The following ASIC2 variants were observed in gnomAD, a reference collection of about 807,000 sequenced individuals.
ASIC2 encodes acid-sensing ion channel 2.
Under a neutral mutation model 57.3 loss-of-function variants are expected in ASIC2, and 25 were observed. The ratio of observed to expected loss-of-function variants is 0.44; its 90% CI spans 0.32 to 0.61. ASIC2 has a LOEUF of 0.61. ASIC2 is among the 20% of genes least tolerant of loss of function. The probability of loss-of-function intolerance (pLI) is 0.06; values close to 1 mark genes in which losing one functional copy is unlikely to be tolerated. For synonymous variants in ASIC2, 319 were observed against 307.5 expected, an observed-to-expected ratio of 1.04 and a Z score of -0.39; for missense variants, 641 against 738.1, an observed-to-expected ratio of 0.87 and a Z score of 1.52.
Position 33,641,341 on chromosome 17 carries a change from G to A in ASIC2, c.555+514637C>T, listed in dbSNP as rs553384646. ...ACCTTCACTTCTTTACTGAACATCC[G>A]CACACAGCACACGCTCAGCATATAC... On this transcript the variant is annotated intron_variant, in intron 1 of 9. Transcript: ENST00000359872. Among the ~76,000 whole-genome samples the A allele has an allele frequency of 1.6e-3, 239 of 152,246 alleles. 1 individual carries two copies. Among genetic ancestry groups the A allele is most frequent in the African/African-American group, 3.8e-3 (158 of 41,536 alleles).
chr17:33,358,404 G>T (rs1289757578), intron 1 of ASIC2, among the ~76,000 whole-genome samples: 1 of 152,158 alleles, frequency 6.6e-6, no homozygotes, highest in African/African-American at 2.4e-5. Flanking sequence ...GTAATGTGTA[G>T]CAATGACATC....
At chr17:33,341,977 A>G (rs1020727501) in intron 1 of ASIC2, among the ~76,000 whole-genome samples, 9 of 152,212 alleles carry the variant, frequency 5.9e-5, no homozygotes, top group Admixed American at 6.5e-5. Flanking sequence ...ATAAATAGCA[A>G]GAAAATGCAA....
chr17:33,680,196 G>C (rs1194340210), intron 1 of ASIC2, among the ~76,000 whole-genome samples: 1 of 152,120 alleles, frequency 6.6e-6, no homozygotes, highest in Non-Finnish European at 1.5e-5. Flanking sequence ...TCTTTCTGGA[G>C]CAATTGGAAG....
At chr17:33,661,544 T>C (rs963345318) in intron 1 of ASIC2, among the ~76,000 whole-genome samples, 2 of 152,194 alleles carry the variant, frequency 1.3e-5, no homozygotes, top group East Asian at 3.9e-4. Flanking sequence ...TGGACCTCGG[T>C]TTCCCTATCT....
intron 3 of ASIC2, among the ~76,000 whole-genome samples, chr17:33,035,354 C>T (rs1327267966): frequency 6.6e-6 from 1 of 152,014 alleles, no homozygotes; most frequent in Non-Finnish European, 1.5e-5. Flanking sequence ...CTTCATGTGT[C>T]TAGGAGTTTT....
chr17:33,545,734 C>T (rs6505350), intron 1 of ASIC2, among the ~76,000 whole-genome samples: 14,167 of 152,150 alleles, frequency 0.093, 1,730 homozygotes, highest in African/African-American at 0.28. Flanking sequence ...CCAGAGTAAT[C>T]TTGCTCCTAT....
chr17:33,871,690 A>C (rs1914414128), intron 1 of ASIC2, among the ~76,000 whole-genome samples: 1 of 152,108 alleles, frequency 6.6e-6, no homozygotes, highest in South Asian at 2.1e-4. Context: ...GAGTCCTCAG[A>C]AGGGGACTTT....
intron 1 of ASIC2, among the ~76,000 whole-genome samples, chr17:33,124,368 C>T (rs4078690): frequency 0.85 from 128,866 of 152,264 alleles, 55,023 homozygotes; most frequent in African/African-American, 0.92. Flanking sequence ...CTGGGAGATA[C>T]ACAGCATGCA....
At chr17:33,606,126 G>A (rs1444940405) in intron 1 of ASIC2, among the ~76,000 whole-genome samples, 1 of 152,198 alleles carries the variant, frequency 6.6e-6, no homozygotes, top group Non-Finnish European at 1.5e-5. Context: ...TACCACCAAT[G>A]AGCTGTTCCA....
At position 33,714,744 on chromosome 17, in the gene ASIC2, A is replaced by G. The variant is rs559692884; in HGVS notation, c.555+441234T>C. ...CTTACTCATATCTTTTTAGAAACCT[A>G]AAACAAAACAACCAAATGTTGTTGT... On this transcript the variant is annotated intron_variant, in intron 1 of 9. Transcript: ENST00000359872. 2.3e-3 allele frequency among the ~76,000 whole-genome samples: 342 copies of G among 151,902 alleles called. 2 individuals carry two copies. Among genetic ancestry groups the G allele is most frequent in the African/African-American group, 7.9e-3 (326 of 41,452 alleles).
At chr17:34,154,877 T>C (rs1173098822) in intron 1 of ASIC2, among the ~76,000 whole-genome samples, 1 of 152,140 alleles carries the variant, frequency 6.6e-6, no homozygotes, top group African/African-American at 2.4e-5. Flanking sequence ...CAGCCCCTGA[T>C]ACCCAGACGT....
At chr17:33,552,392 G>A (rs1915778526) in intron 1 of ASIC2, among the ~76,000 whole-genome samples, 2 of 152,188 alleles carry the variant, frequency 1.3e-5, no homozygotes, top group Non-Finnish European at 2.9e-5. Context: ...TCTTCCCTCA[G>A]TAACACAAAA....
chr17:33,427,528 A>G (rs1911259277), intron 1 of ASIC2, among the ~76,000 whole-genome samples: 1 of 152,214 alleles, frequency 6.6e-6, no homozygotes, highest in African/African-American at 2.4e-5. Flanking sequence ...CACGTTTGAG[A>G]GGGACCCAAA....
In ASIC2 at chr17:33,062,784, T is replaced by C. The variant is rs182982926; in HGVS notation, c.987+26079A>G. 3.7e-3 allele frequency among the ~76,000 whole-genome samples: 564 copies of C among 152,280 alleles called. 3 individuals are homozygous for C. The highest frequency in any genetic ancestry group is 4.6e-3 in the Non-Finnish European group (312 of 68,020). On this transcript the variant is annotated intron_variant, in intron 3 of 9. Coordinates refer to ENST00000225823, the MANE Select transcript of ASIC2 (RefSeq NM_183377.2). The stretch of plus-strand genomic sequence containing the variant: ...GGGTGTTAAAGTCTCCCATTATTAT[T>C]GTATGGGAGTCTAAGTCTCTTTGTA...
chr17:33,622,329 A>T (rs2142021778), intron 1 of ASIC2, among the ~76,000 whole-genome samples: 1 of 152,154 alleles, frequency 6.6e-6, no homozygotes, highest in East Asian at 1.9e-4. Flanking sequence ...TTCTGTCGGG[A>T]CTAGGCTTTA....
chr17:34,096,642 CAGG>C (rs932675779), intron 1 of ASIC2, among the ~76,000 whole-genome samples: 6 of 151,868 alleles, frequency 4.0e-5, no homozygotes, highest in African/African-American at 1.5e-4. Context: ...ATCACGAGGT[CAGG>C]AGATCATGAC....
chr17:33,913,122 G>T (rs1276870844), intron 1 of ASIC2, among the ~76,000 whole-genome samples: 1 of 151,260 alleles, frequency 6.6e-6, no homozygotes, highest in Non-Finnish European at 1.5e-5. Context: ...AGTTCTCACA[G>T]ATCTCTGAGC....
rs1177045749 is a variant in ASIC2 at position 33,662,573 on chromosome 17, AG to A, written c.555+493404del. 7.2e-5 allele frequency among the ~76,000 whole-genome samples: 11 copies of A among 151,906 alleles called. No homozygotes were observed. In the South Asian group the frequency reaches 2.1e-3, roughly 29 times the overall value. On this transcript the variant is annotated intron_variant, in intron 1 of 9. Transcript: ENST00000359872. Reference sequence around the variant, plus strand: ...GGGAGGCGGAGGTTGCAGTGAGCCGAGATCATGCCACTGTACTCCAGCCTGG... The same window carrying A: ...GGGAGGCGGAGGTTGCAGTGAGCCGAATCATGCCACTGTACTCCAGCCTGG...
chr17:33,083,721 T>A (rs72817096), intron 3 of ASIC2, among the ~76,000 whole-genome samples: 16,181 of 152,150 alleles, frequency 0.11, 1,073 homozygotes, highest in Non-Finnish European at 0.15. Flanking sequence ...TCTGCATCAT[T>A]GGGATGTAGG....
Sources: gnomAD v4.1 joint callset for allele counts (sites outside exome capture counted in the v4.1 genomes callset) on GRCh38, gnomAD v4.1.1 for gene constraint, MANE v1.5 for transcripts, NCBI Gene and HGNC (gene_info 2026-07-23, HGNC 2026-07-21) for gene names.